RIMBP2: variants seen among roughly 807,000 people sequenced by gnomAD.
RIMBP2 encodes RIMS-binding protein 2.
A neutral mutation model predicts 118.6 loss-of-function variants in RIMBP2; 48 were observed. The ratio of observed to expected loss-of-function variants is 0.40; its 90% CI spans 0.32 to 0.51. RIMBP2 has a LOEUF of 0.51. Ranked by LOEUF, RIMBP2 falls within the 20% of genes least tolerant of loss-of-function variation. The probability of loss-of-function intolerance (pLI) is 0.41; values close to 1 mark genes in which losing one functional copy is unlikely to be tolerated. For synonymous variants in RIMBP2, 762 were observed against 742.9 expected (o/e 1.03, Z -0.42); for missense variants, 1,551 against 1,768.3 (o/e 0.88, Z 2.20).
At chr12:130,551,174 G>A (rs966935330) in intron 2 of RIMBP2, among the ~76,000 whole-genome samples, 2 of 152,154 alleles carry the variant, frequency 1.3e-5, no homozygotes, top group Non-Finnish European at 2.9e-5. Context: ...CAAAAAGGAG[G>A]GTGACTCCAG....
At chr12:130,458,448 C>T (rs1015107813) in intron 6 of RIMBP2, among the ~76,000 whole-genome samples, 2 of 152,090 alleles carry the variant, frequency 1.3e-5, no homozygotes, top group African/African-American at 4.8e-5. Flanking sequence ...CTTCGCAGGG[C>T]TTGCAGGGGC....
intron 1 of RIMBP2, among the ~76,000 whole-genome samples, chr12:130,632,026 T>A (rs1244008417): frequency 6.6e-6 from 1 of 152,196 alleles, no homozygotes; most frequent in Non-Finnish European, 1.5e-5. Flanking sequence ...AAACAAATAG[T>A]TATCACATAA....
At chr12:130,520,787 T>C (rs2052019760) in intron 2 of RIMBP2, among the ~76,000 whole-genome samples, 1 of 150,056 alleles carries the variant, frequency 6.7e-6, no homozygotes, top group Non-Finnish European at 1.5e-5. Context: ...AAGCCCTTCC[T>C]ACCATGATGG....
intron 2 of RIMBP2, among the ~76,000 whole-genome samples, chr12:130,556,763 A>G (rs2056395355): frequency 6.6e-6 from 1 of 152,222 alleles, no homozygotes; most frequent in Non-Finnish European, 1.5e-5. Flanking sequence ...GCAGACAGCT[A>G]GAGCCCAAGT....
rs558688902 is a variant in RIMBP2, at chr12:130,403,524, T to C, written c.3765+2648A>G. Among the ~76,000 whole-genome samples, 23 of 152,342 alleles carry C rather than the reference T, an allele frequency of 1.5e-4. 1 individual carries two copies. Among genetic ancestry groups the C allele is most frequent in the African/African-American group, 5.5e-4 (23 of 41,588 alleles). On this transcript the variant is annotated intron_variant, in intron 21 of 22. Transcript: ENST00000690449. Reference sequence around the variant, plus strand: ...GTACATTCCTCTGAAGATATGTAGATTGTTAAAAACTGATAAGATAACCAT... The same window carrying C: ...GTACATTCCTCTGAAGATATGTAGACTGTTAAAAACTGATAAGATAACCAT...
At chr12:130,428,113 G>A (rs2076913723) in intron 15 of RIMBP2, 66 bp downstream of exon 15, 3 of 1,451,344 alleles carry the variant, frequency 2.1e-6, no homozygotes, top group Admixed American at 2.3e-5. Context: ...ACCAGCCCCA[G>A]CAAAGGGACG....
At chr12:130,601,896 C>A (rs10848156) in intron 2 of RIMBP2, among the ~76,000 whole-genome samples, 6 of 152,056 alleles carry the variant, frequency 3.9e-5, no homozygotes, top group South Asian at 2.1e-4. Context: ...TTCAGCGAAC[C>A]TTTTAACTAA....
At chr12:130,616,031 A>C (rs2060911777) in intron 2 of RIMBP2, among the ~76,000 whole-genome samples, 2 of 152,050 alleles carry the variant, frequency 1.3e-5, no homozygotes, top group African/African-American at 4.8e-5. Context: ...CTGGCAGGAG[A>C]GTGACGCAGT....
chr12:130,524,926 C>T (rs547669068), intron 2 of RIMBP2, among the ~76,000 whole-genome samples: 5 of 152,228 alleles, frequency 3.3e-5, no homozygotes, highest in East Asian at 1.9e-4. Flanking sequence ...GGATGGGGCA[C>T]GTTCGGTTGC....
chr12:130,686,342 C>A (rs1435735878), intron 1 of RIMBP2, among the ~76,000 whole-genome samples: 3 of 152,228 alleles, frequency 2.0e-5, no homozygotes, highest in African/African-American at 7.2e-5. Context: ...TGCGGCAGCA[C>A]AGACCCCGCG....
In RIMBP2 at chr12:130,526,982, C is replaced by T. The variant is rs184118123; in HGVS notation, c.-216-9065G>A. 4.8e-4 allele frequency among the ~76,000 whole-genome samples: 73 copies of T among 152,082 alleles called. 1 individual carries two copies. The highest frequency in any genetic ancestry group is 1.6e-3 in the African/African-American group (68 of 41,502). Reference sequence around the variant, plus strand: ...CTGAACTAAGGAGAGAAGGAGAAACCACAGGGTGGAAGGCGAGTGGTTGCT... The same window carrying T: ...CTGAACTAAGGAGAGAAGGAGAAACTACAGGGTGGAAGGCGAGTGGTTGCT... On this transcript the variant is annotated intron_variant, in intron 2 of 22. Coordinates refer to ENST00000690449, the MANE Select transcript of RIMBP2 (RefSeq NM_001393629.1).
chr12:130,573,942 G>A (rs946948007), intron 2 of RIMBP2, among the ~76,000 whole-genome samples: 12 of 152,130 alleles, frequency 7.9e-5, no homozygotes, highest in African/African-American at 2.9e-4. Context: ...GAATTCAGAA[G>A]TGAAGAAGGG....
chr12:130,575,780 C>T (rs144489089), intron 2 of RIMBP2, among the ~76,000 whole-genome samples: 26 of 152,288 alleles, frequency 1.7e-4, no homozygotes, highest in East Asian at 1.2e-3. Flanking sequence ...GCCCTGGAGC[C>T]GCTCACATGG....
chr12:130,612,034 A>G (rs1023747810), intron 2 of RIMBP2, among the ~76,000 whole-genome samples: 2 of 152,176 alleles, frequency 1.3e-5, no homozygotes, highest in Non-Finnish European at 2.9e-5. Context: ...AAGAGCCCGC[A>G]GGGCCTGCAG....
chr12:130,488,202 CAG>C (rs2082639936), intron 4 of RIMBP2, among the ~76,000 whole-genome samples: 1 of 152,068 alleles, frequency 6.6e-6, no homozygotes, highest in South Asian at 2.1e-4. Flanking sequence ...AACTGTGAAC[CAG>C]AGACATAAGC....
intron 1 of RIMBP2, among the ~76,000 whole-genome samples, chr12:130,648,463 C>T (rs2063084732): frequency 6.9e-6 from 1 of 145,436 alleles, no homozygotes. Flanking sequence ...CCTTAAAATA[C>T]ATTCCATCTG....
intron 11 of RIMBP2, among the ~76,000 whole-genome samples, chr12:130,441,038 A>G (rs1317106026): frequency 1.3e-5 from 2 of 152,284 alleles, no homozygotes; most frequent in East Asian, 3.9e-4. Context: ...TTGAGCGGAG[A>G]TAGCAGAAAA....
At chr12:130,630,787 TTGAC>T (rs957909451) in intron 1 of RIMBP2, among the ~76,000 whole-genome samples, 16 of 152,174 alleles carry the variant, frequency 1.1e-4, no homozygotes, top group African/African-American at 3.9e-4. Context: ...AAAATTCTGA[TTGAC>T]TATTATTTCC....
At chr12:130,713,607 G>A (rs1593062577) in intron 1 of RIMBP2, among the ~76,000 whole-genome samples, 1 of 152,316 alleles carries the variant, frequency 6.6e-6, no homozygotes, top group South Asian at 2.1e-4. Context: ...CAGCACAGCC[G>A]ATCCGGTTCT....
Sources: gnomAD v4.1 joint callset for allele counts (sites outside exome capture counted in the v4.1 genomes callset) on GRCh38, gnomAD v4.1.1 for gene constraint, MANE v1.5 for transcripts, NCBI Gene and HGNC (gene_info 2026-07-23, HGNC 2026-07-21) for gene names.